Variants in RAB37 observed in about 807,000 individuals in gnomAD.
The protein encoded by RAB37 is ras-related protein Rab-37.
A neutral mutation model predicts 33.1 loss-of-function variants in RAB37; 29 were observed. The ratio of observed to expected loss-of-function variants is 0.88; its 90% confidence interval spans 0.65 to 1.20. The LOEUF is 1.20. Among genes scored for constraint, RAB37 ranks in the 50% most tolerant of loss-of-function variants. The pLI is 0.00. For synonymous variants in RAB37, 128 were observed against 119.5 expected (o/e 1.07, Z -0.47); for missense variants, 299 against 301.1 (o/e 0.99, Z 0.05).
At chr17:74,735,083 A>G (rs1160678590), upstream of RAB37, among the ~76,000 whole-genome samples, 1 of 146,172 alleles carries the variant, frequency 6.8e-6, no homozygotes, top group Non-Finnish European at 1.5e-5. Context: ...GAAAAGAAGG[A>G]AGGAAAAGAG....
Position 74,745,267 on chromosome 17 carries a change from C to T in RAB37, c.567-39C>T. 1.3e-6 allele frequency: 2 copies of T among 1,592,144 alleles called. No individual in the cohort carries two copies. Among genetic ancestry groups the T allele is most frequent in the Non-Finnish European group, 1.7e-6 (2 of 1,160,762 alleles). On this transcript the variant is annotated intron_variant, in intron 8 of 8. Coordinates refer to ENST00000392613, the MANE Select transcript of RAB37 (RefSeq NM_001006638.3). This position sits in a 1 kb window ranked among gnomAD's most constrained non-coding sequence, Gnocchi z 4.5. ...GGGCGGCTCAGCTCCTCACCCCAGCCCAGCCCAGCCCAGCCCAGCCCATTG... is the reference window on the plus strand; with the variant it reads ...GGGCGGCTCAGCTCCTCACCCCAGCTCAGCCCAGCCCAGCCCAGCCCATTG...
chr17:74,741,663 A>G (rs1290378108), intron 2 of RAB37, among the ~76,000 whole-genome samples: 2 of 151,336 alleles, frequency 1.3e-5, no homozygotes, highest in Non-Finnish European at 2.9e-5. Flanking sequence ...TCTCACCTTG[A>G]CGACTCCATC....
intron 1 of RAB37, 60 bp downstream of exon 1, chr17:74,737,425 CG>C: frequency 3.4e-6 from 5 of 1,488,548 alleles, no homozygotes; most frequent in Non-Finnish European, 4.5e-6. Context: ...TTCCTGGCTG[CG>C]TCTGGGTTGG....
intron 1 of RAB37, among the ~76,000 whole-genome samples, chr17:74,714,668 C>T (rs904354859): frequency 6.6e-6 from 1 of 152,144 alleles, no homozygotes; most frequent in Non-Finnish European, 1.5e-5. Context: ...CCCCTCGCTC[C>T]ACCCCTCACC....
At chr17:74,674,452 C>T (rs2031779242) in intron 1 of RAB37, among the ~76,000 whole-genome samples, 1 of 150,164 alleles carries the variant, frequency 6.7e-6, no homozygotes, top group Non-Finnish European at 1.5e-5. Context: ...CTGAGGCGGG[C>T]AGATCTCTTG....
At chr17:74,678,457 T>A (rs1329330589) in intron 1 of RAB37, among the ~76,000 whole-genome samples, 1 of 152,204 alleles carries the variant, frequency 6.6e-6, no homozygotes, top group Non-Finnish European at 1.5e-5. Context: ...GTCAGCTCCC[T>A]CCCTTCTCAT....
At chr17:74,740,910 G>C in intron 2 of RAB37, 32 bp downstream of exon 2, 1 of 1,499,092 alleles carries the variant, frequency 6.7e-7, no homozygotes, top group Middle Eastern at 1.7e-4. Flanking sequence ...GCTTCCAGCA[G>C]AGAGCCAGGG....
At chr17:74,737,491 T>C in intron 1 of RAB37, 126 bp downstream of exon 1, 1 of 1,114,530 alleles carries the variant, frequency 9.0e-7, no homozygotes, top group South Asian at 1.6e-5. Flanking sequence ...GGAGAGAGGG[T>C]CAGGACACAG....
At position 74,745,639 on chromosome 17, in the gene RAB37, T is replaced by A. The variant is rs982488109; in HGVS notation, c.*228T>A. 185 of 464,342 alleles carry A rather than the reference T, an allele frequency of 4.0e-4. No homozygotes were observed. Among genetic ancestry groups the A allele is most frequent in the Non-Finnish European group, 7.6e-5 (20 of 262,524 alleles). The allele number at this position is 464,342 out of a possible 1,614,324, so 28.8% of individuals were successfully genotyped here. On this transcript the variant is annotated 3_prime_UTR_variant, in exon 9 of 9. Transcript: ENST00000392613. The surrounding 1 kb of genome is among the most constrained non-coding windows in gnomAD (Gnocchi z 4.5). The stretch of plus-strand genomic sequence containing the variant: ...TAGCTTTTATTTTAATAGTACATAA[T>A]TTAATACCAAAAAAGGCGCCTGGAT...
chr17:74,740,571 T>C (rs1185406904), intron 1 of RAB37, among the ~76,000 whole-genome samples, 197 bp from the exon 2 acceptor site: 1 of 152,064 alleles, frequency 6.6e-6, no homozygotes, highest in African/African-American at 2.4e-5. Context: ...AGGGAGAGCC[T>C]AGGAGGCTGA....
chr17:74,692,749 G>A (rs1356076568), intron 1 of RAB37, among the ~76,000 whole-genome samples: 1 of 152,106 alleles, frequency 6.6e-6, no homozygotes, highest in Non-Finnish European at 1.5e-5. Context: ...AGAGGAAAAA[G>A]GAGTCTGTCC....
Position 74,730,098 on chromosome 17 carries a change from C to G in RAB37, c.183+732C>G, listed in dbSNP as rs1222094161. ...CACATCCCATCTCCCCGCGTTGTCCCGTGCCTGCGGCTGCAGCTGCCCTTG... is the reference window on the plus strand; with the variant it reads ...CACATCCCATCTCCCCGCGTTGTCCGGTGCCTGCGGCTGCAGCTGCCCTTG... On this transcript the variant is annotated intron_variant, in intron 2 of 7. Coordinates refer to the RAB37 transcript ENST00000340415. The surrounding 1 kb of genome is among the most constrained non-coding windows in gnomAD (Gnocchi z 4.4). 6.6e-6 allele frequency among the ~76,000 whole-genome samples: 1 copy of G among 152,178 alleles called. No individual in the cohort carries two copies. Among genetic ancestry groups the G allele is most frequent in the Non-Finnish European group, 1.5e-5 (1 of 68,026 alleles).
rs1448109325 is a variant in RAB37, at chr17:74,671,284, T to A, written c.-303T>A. ...CCCAAATCTTGCGTCCCTGCCAGCA[T>A]CCTGGAGTCCTAAGAGGCAGGGATT... On this transcript the variant is annotated 5_prime_UTR_variant, in exon 1 of 8. Coordinates refer to the RAB37 transcript ENST00000340415. This position sits in a 1 kb window ranked among gnomAD's most constrained non-coding sequence, Gnocchi z 5.0. 8.0e-6 allele frequency: 3 copies of A among 374,486 alleles called. No homozygotes were observed. The highest frequency in any genetic ancestry group is 7.7e-4 in the Middle Eastern group (1 of 1,306). The allele number at this position is 374,486 out of a possible 1,614,324, so 23.2% of individuals were successfully genotyped here. A position where few individuals can be genotyped will look rare whatever the true frequency, so the allele number is the denominator to read the frequency against.
intron 1 of RAB37, among the ~76,000 whole-genome samples, chr17:74,705,771 T>G (rs2033455040): frequency 6.6e-6 from 1 of 152,046 alleles, no homozygotes; most frequent in African/African-American, 2.4e-5. Context: ...ATTTTTGTAG[T>G]TTTAGTAGAA....
At chr17:74,709,454 C>T (rs1008574470) in intron 1 of RAB37, among the ~76,000 whole-genome samples, 1 of 152,132 alleles carries the variant, frequency 6.6e-6, no homozygotes, top group Non-Finnish European at 1.5e-5. Context: ...TTCATATGTA[C>T]TTTATAATAA....
chr17:74,705,220 G>T, intron 1 of RAB37: 1 of 702,458 alleles, frequency 1.4e-6, no homozygotes, highest in South Asian at 1.5e-5. Flanking sequence ...TCTTAGCACT[G>T]ATGACCCTCA....
chr17:74,681,084 G>A lies in RAB37; in HGVS notation c.72+9426G>A, dbSNP rs542364616. Among the ~76,000 whole-genome samples the A allele has an allele frequency of 3.9e-5, 6 of 152,346 alleles. No homozygotes were observed. In the East Asian group the frequency reaches 7.7e-4, roughly 20 times the overall value. The stretch of plus-strand genomic sequence containing the variant: ...CACTCTTCATTCCCCAAGGAGCTGC[G>A]TCCAGCAGGCTGGGTGGATCAGAGG... On this transcript the variant is annotated intron_variant, in intron 1 of 7. Transcript: ENST00000340415.
intron 1 of RAB37, chr17:74,704,661 T>G: frequency 6.2e-7 from 1 of 1,614,164 alleles, no homozygotes; most frequent in Non-Finnish European, 8.5e-7. Flanking sequence ...CCACTGGTTT[T>G]AACAAGGATC....
intron 1 of RAB37, among the ~76,000 whole-genome samples, chr17:74,726,701 T>A (rs2034311593): frequency 6.6e-6 from 1 of 152,178 alleles, no homozygotes; most frequent in Non-Finnish European, 1.5e-5. Context: ...ATGGACAACC[T>A]CATGGTAAGC....
Sources: allele counts gnomAD v4.1 joint callset (sites outside exome capture counted in the v4.1 genomes callset), GRCh38; gene constraint gnomAD v4.1.1; non-coding constraint Gnocchi (gnomAD v3.1); transcripts MANE v1.5; gene names NCBI Gene and HGNC (gene_info 2026-07-23, HGNC 2026-07-21).